Variants in FAT1 observed in about 807,000 individuals in gnomAD.
FAT1 encodes protocadherin Fat 1.
A neutral mutation model predicts 329.8 loss-of-function variants in FAT1; 171 were observed. The observed-to-expected ratio is 0.52, with a 90% CI of 0.46 to 0.59. FAT1 has a LOEUF of 0.59. Ranked by LOEUF, FAT1 falls within the 20% of genes least tolerant of loss-of-function variation. The probability of loss-of-function intolerance (pLI) is 0.00; values close to 1 mark genes in which losing one functional copy is unlikely to be tolerated. For synonymous variants in FAT1, 2,233 were observed against 2,228.6 expected (o/e 1.00, Z -0.06); for missense variants, 5,672 against 5,774.4 (o/e 0.98, Z 0.57).
In FAT1 at chr4:186,708,946, G is replaced by A. The variant is rs369362769; in HGVS notation, c.882C>T (p.Ile294=). Residue 294 remains isoleucine, a synonymous_variant, in exon 2 of 27, where the codon ATC becomes ATT. Coordinates refer to ENST00000441802, the MANE Select transcript of FAT1 (RefSeq NM_005245.4). ...GANGDIASLS[I]VAGDLLQQFR... ...ACTGCTGGAGAAGGTCACCTGCCAC[G>A]ATGCTTAAAGATGCTATGTCACCAT... 17 of 1,613,858 alleles carry A rather than the reference G, an allele frequency of 1.1e-5. No homozygotes were observed. The highest frequency in any genetic ancestry group is 1.7e-5 in the Admixed American group (1 of 59,998).
Position 186,618,321 on chromosome 4 carries a change from T to C in FAT1, c.8265A>G (p.Arg2755=), listed in dbSNP as rs2126493741. The part of the protein sequence containing the change: ...SNRDESFVID[R]QSGRLKLEKS... ...TCTCCAACTTCAGTCTCCCGCTCTG[T>C]CTGTCAATCACAAAGGACTCATCCC... The change falls in exon 10 of 27, where the codon AGA becomes AGG. Residue 2755 remains arginine (R), a synonymous_variant. Coordinates refer to ENST00000441802, the MANE Select transcript of FAT1 (RefSeq NM_005245.4). The C allele has an allele frequency of 6.2e-7, 1 of 1,614,038 alleles. No individual in the cohort carries two copies. The highest frequency in any genetic ancestry group is 8.5e-7 in the Non-Finnish European group (1 of 1,179,892).
rs2035819 is a variant in FAT1, at chr4:186,636,801, G to A, written c.3756C>T (p.Ile1252=). 9,281 of 1,613,840 alleles carry A rather than the reference G, an allele frequency of 5.8e-3. 296 individuals are homozygous for A. The African/African-American group carries it at 0.082, about 14-fold the overall frequency. Residue 1252 remains isoleucine, a synonymous_variant, in exon 5 of 27, where the codon ATC becomes ATT. Transcript: ENST00000441802. ...CTGGCTTTTCCCGCTCAGGGAGTCT[G>A]ATTTTGTAGAACTTTTGCAGAAACT... The part of the protein sequence containing the change: ...KPQFLQKFYK[I]RLPEREKPDR...
At chr4:186,722,574 G>C (rs1269491300) in intron 1 of FAT1, among the ~76,000 whole-genome samples, 1 of 152,166 alleles carries the variant, frequency 6.6e-6, no homozygotes, top group Non-Finnish European at 1.5e-5. Flanking sequence ...CTATTAACTG[G>C]AGAAACACCT....
chr4:186,678,965 C>T (rs950955693), intron 2 of FAT1, among the ~76,000 whole-genome samples: 5 of 152,012 alleles, frequency 3.3e-5, no homozygotes, highest in Admixed American at 2.0e-4. Flanking sequence ...CAGTGATAGA[C>T]TAGATAAAGA....
chr4:186,618,896 T>C lies in FAT1; in HGVS notation c.7690A>G (p.Ile2564Val), dbSNP rs767260533. 2.5e-6 allele frequency: 4 copies of C among 1,613,992 alleles called. No homozygotes were observed. The highest frequency in any genetic ancestry group is 3.4e-6 in the Non-Finnish European group (4 of 1,179,896). The change falls in exon 10 of 27, where the codon ATC becomes GTC. Residue 2564 changes from isoleucine (I) to valine (V), a missense_variant. By Grantham distance (29) the Ile-to-Val change is conservative. Transcript: ENST00000441802. ...TCCTTAGCCATTAAACGGACTGAGA[T>C]CACTTTCTCCGCCGGGGTTTCTCGA... Reference protein sequence around the residue: ...LDRETPAEKVISVRLMAKDAG... With the variant: ...LDRETPAEKVVSVRLMAKDAG...
rs1056033190 is a variant in FAT1 at position 186,628,321 on chromosome 4, A to G, written c.4643T>C (p.Ile1548Thr). The G allele has an allele frequency of 1.9e-6, 3 of 1,613,454 alleles. No individual in the cohort carries two copies. Among genetic ancestry groups the G allele is most frequent in the Non-Finnish European group, 2.5e-6 (3 of 1,179,658 alleles). ...DVPVKRNFAR[I>T]VVNVSDTNDH... ...ATTCGTGTCGCTGACATTGACCACA[A>G]TCCTTGCAAAGTTGCGTTTTACAGG... is the stretch of plus-strand genomic sequence containing the variant. Residue 1548 changes from isoleucine (I) to threonine (T), a missense_variant, in exon 9 of 27, where the codon ATT becomes ACT. Around this residue, in one of 2 missense-constraint regions of FAT1, gnomAD observed 3,966 missense variants for 3,915.2 expected, o/e 1.01. Transcript: ENST00000441802.
intron 2 of FAT1, among the ~76,000 whole-genome samples, chr4:186,684,090 C>G (rs1743352380): frequency 6.6e-6 from 1 of 151,972 alleles, no homozygotes; most frequent in African/African-American, 2.4e-5. Context: ...TAAACATATG[C>G]TTACCTACTG....
At chr4:186,636,305 CAG>C in intron 5 of FAT1, 70 bp from the exon 6 acceptor site, 1 of 1,423,730 alleles carries the variant, frequency 7.0e-7, no homozygotes, top group South Asian at 1.2e-5. Context: ...GAATGAAGCA[CAG>C]ACTGGTTTGG....
chr4:186,707,711 G>A lies in FAT1; in HGVS notation c.2117C>T (p.Ser706Phe), dbSNP rs2126690809. 2 of 1,613,854 alleles carry A rather than the reference G, an allele frequency of 1.2e-6. No individual in the cohort carries two copies. The highest frequency in any genetic ancestry group is 8.5e-7 in the Non-Finnish European group (1 of 1,179,880). The change falls in exon 2 of 27, where the codon TCT becomes TTT. Residue 706 changes from serine to phenylalanine, a missense_variant. Ser to Phe is a radical substitution (Grantham distance 155). Transcript: ENST00000441802. ...QGEVEDIFFD[S>F]HSVNAHIPQF... ...CGGTATGTGAGCATTGACAGAGTGAGAATCGAAGAAAATATCCTCCACCTC... is the reference window on the plus strand; with the variant it reads ...CGGTATGTGAGCATTGACAGAGTGAAAATCGAAGAAAATATCCTCCACCTC...
chr4:186,645,118 T>C (rs1034598305), intron 3 of FAT1, among the ~76,000 whole-genome samples: 6 of 151,866 alleles, frequency 4.0e-5, no homozygotes, highest in African/African-American at 1.5e-4. Context: ...AGAAGACACG[T>C]GGTCTAGTCA....
At chr4:186,631,622 C>T (rs969650485) in intron 7 of FAT1, among the ~76,000 whole-genome samples, 2 of 150,326 alleles carry the variant, frequency 1.3e-5, no homozygotes, top group African/African-American at 4.9e-5. Flanking sequence ...TCCCAGCTGA[C>T]TCCTGTGCTC....
In FAT1 at chr4:186,706,837, A is replaced by G. The variant is rs1469155310; in HGVS notation, c.2991T>C (p.Tyr997=). The change falls in exon 2 of 27, where the codon TAT becomes TAC. Residue 997 remains tyrosine (Y), a synonymous_variant. Transcript: ENST00000441802. ...QQLDFEKKQV[Y]NLTVRAKDKG... ...TGTCTTTGGCCCTCACAGTGAGATT[A>G]TACACTTGCTTCTTCTCAAAGTCCA... is the stretch of plus-strand genomic sequence containing the variant. 6.2e-7 allele frequency: 1 copy of G among 1,613,956 alleles called. No individual in the cohort carries two copies. The highest frequency in any genetic ancestry group is 1.1e-5 in the South Asian group (1 of 91,072).
In FAT1 at chr4:186,666,867, C is replaced by T. The variant is rs574406430; in HGVS notation, c.3266-3254G>A. Among the ~76,000 whole-genome samples the T allele has an allele frequency of 3.3e-5, 5 of 152,278 alleles. No homozygotes were observed. In the East Asian group the frequency reaches 9.7e-4, roughly 29 times the overall value. Reference sequence around the variant, plus strand: ...AGAGAAATGAGGCACTTTCCCAGGGCCACAGTGAATGGCAGAGCTGGAGTG... The same window carrying T: ...AGAGAAATGAGGCACTTTCCCAGGGTCACAGTGAATGGCAGAGCTGGAGTG... On this transcript the variant is annotated intron_variant, in intron 2 of 26. Coordinates refer to ENST00000441802, the MANE Select transcript of FAT1 (RefSeq NM_005245.4).
Position 186,609,978 on chromosome 4 carries a change from G to A in FAT1, c.9891C>T (p.Ser3297=), listed in dbSNP as rs527836717. ...CTACTGTTAGGTAATACTCATGAGAGCTCTCATAATCCAGATTCTCAATGA... is the reference window on the plus strand; with the variant it reads ...CTACTGTTAGGTAATACTCATGAGAACTCTCATAATCCAGATTCTCAATGA... The part of the protein sequence containing the change: ...VFIIENLDYE[S]SHEYYLTVEA... Residue 3297 remains serine (S), a synonymous_variant, in exon 15 of 27, where the codon AGC becomes AGT. Transcript: ENST00000441802. 2.5e-6 allele frequency: 4 copies of A among 1,613,068 alleles called. No homozygotes were observed. Among genetic ancestry groups the A allele is most frequent in the Admixed American group, 1.7e-5 (1 of 60,012 alleles).
rs1403581725 is a variant in FAT1 at position 186,597,103 on chromosome 4, T to A, written c.12437A>T (p.His4146Leu). The change falls in exon 25 of 27, where the codon CAC becomes CTC. Residue 4146 changes from histidine (H) to leucine (L), a missense_variant. Around this residue, in one of 2 missense-constraint regions of FAT1, gnomAD observed 1,706 missense variants for 1,859.1 expected, o/e 0.92. Coordinates refer to ENST00000441802, the MANE Select transcript of FAT1 (RefSeq NM_005245.4). ...GCTGCAGTTGCAGTGATAGGAGCCGTGCGTGTTCTCACAGAGGGCCCCGTG... is the reference window on the plus strand; with the variant it reads ...GCTGCAGTTGCAGTGATAGGAGCCGAGCGTGTTCTCACAGAGGGCCCCGTG... ...CLHGALCENT[H>L]GSYHCNCSHE... The A allele has an allele frequency of 6.2e-6, 10 of 1,613,832 alleles. No homozygotes were observed. The highest frequency in any genetic ancestry group is 5.0e-5 in the Admixed American group (3 of 60,010).
chr4:186,668,330 CTGAG>C (rs1213970802), intron 2 of FAT1, among the ~76,000 whole-genome samples: 2 of 152,094 alleles, frequency 1.3e-5, no homozygotes, highest in Non-Finnish European at 2.9e-5. Context: ...TCCAGGATGG[CTGAG>C]TGAGAGTCTA....
rs1742275387 is a variant in FAT1, at chr4:186,663,419, T to C, written c.3460A>G (p.Lys1154Glu). The C allele has an allele frequency of 1.1e-5, 18 of 1,614,034 alleles. No homozygotes were observed. Among genetic ancestry groups the C allele is most frequent in the Admixed American group, 1.7e-5 (1 of 60,032 alleles). Residue 1154 changes from lysine (K) to glutamate (E), a missense_variant, in exon 3 of 27, where the codon AAA becomes GAA. Physicochemically the swap from Lys to Glu is moderately conservative, Grantham distance 56 (BLOSUM62 1). Around this residue, in one of 2 missense-constraint regions of FAT1, gnomAD observed 3,966 missense variants for 3,915.2 expected, o/e 1.01. Transcript: ENST00000441802. ...TCGATCTGGACCACAGATACATCTTTAGGAGAATTTTCCATGATTTCTGGG... is the reference window on the plus strand; with the variant it reads ...TCGATCTGGACCACAGATACATCTTCAGGAGAATTTTCCATGATTTCTGGG... ...YYPEIMENSP[K>E]DVSVVQIEAF...
In FAT1 at chr4:186,619,861, A is replaced by G. The variant is rs2126509874; in HGVS notation, c.6725T>C (p.Leu2242Pro). Residue 2242 changes from leucine (L) to proline (P), a missense_variant, in exon 10 of 27, where the codon CTG becomes CCG. Leu to Pro is a moderately conservative substitution (Grantham distance 98). Around this residue, in one of 2 missense-constraint regions of FAT1, gnomAD observed 3,966 missense variants for 3,915.2 expected, o/e 1.01. Transcript: ENST00000441802. ...NTGVINVIAP[L>P]DFEAHPAYKL... ...ATATGCCGGGTGGGCCTCAAAGTCC[A>G]GAGGAGCTATGACATTGATAACTCC... is the stretch of plus-strand genomic sequence containing the variant. The G allele has an allele frequency of 1.2e-6, 2 of 1,614,022 alleles. No homozygotes were observed. Among genetic ancestry groups the G allele is most frequent in the Non-Finnish European group, 1.7e-6 (2 of 1,179,888 alleles).
intron 20 of FAT1, 26 bp from the exon 21 acceptor site, chr4:186,601,452 A>G (rs1738816201): frequency 1.3e-6 from 2 of 1,589,602 alleles, no homozygotes; most frequent in African/African-American, 1.3e-5. Flanking sequence ...AGGAAAAAAT[A>G]AACCAGAACC....
Sources: allele counts gnomAD v4.1 joint callset (sites outside exome capture counted in the v4.1 genomes callset), GRCh38; gene constraint gnomAD v4.1.1; regional missense constraint gnomAD v4.1.1; transcripts MANE v1.5; gene names NCBI Gene and HGNC (gene_info 2026-07-23, HGNC 2026-07-21).